Variants in SZT2 observed in about 807,000 individuals in gnomAD.
SZT2 encodes KICSTOR complex protein SZT2.
A neutral mutation model predicts 404.2 loss-of-function variants in SZT2; 216 were observed. The observed-to-expected ratio is 0.53, with a 90% CI of 0.48 to 0.60. The LOEUF is 0.60. Ranked by LOEUF, SZT2 falls within the 20% of genes least tolerant of loss-of-function variation. The probability of loss-of-function intolerance (pLI) is 0.00; values close to 1 mark genes in which losing one functional copy is unlikely to be tolerated. For missense variants in SZT2, 3,857 were observed against 4,459.2 expected, an observed-to-expected ratio of 0.86 and a Z score of 3.85; for synonymous variants, 1,693 against 1,749.9, an observed-to-expected ratio of 0.97 and a Z score of 0.81.
chr1:43,403,758 C>T lies in SZT2; in HGVS notation c.311C>T (p.Pro104Leu). Residue 104 changes from proline to leucine, a missense_variant, in exon 3 of 72, where the codon CCA (proline) becomes CTA (leucine). Coordinates refer to ENST00000634258, the MANE Select transcript of SZT2 (RefSeq NM_001365999.1). ...TTTGTCATTGAGTTGGACCTTAGCCCATCTACTGGCATTGTGGTAAAGGAT... is the reference window on the plus strand; with the variant it reads ...TTTGTCATTGAGTTGGACCTTAGCCTATCTACTGGCATTGTGGTAAAGGAT... ...YRFVIELDLS[P>L]STGIVDDSTG... 6.2e-7 allele frequency: 1 copy of T among 1,614,018 alleles called. No individual in the cohort carries two copies. The highest frequency in any genetic ancestry group is 1.7e-5 in the Admixed American group (1 of 60,002).
chr1:43,452,837 C>T lies in SZT2; in HGVS notation c.*2357C>T. 6.6e-7 allele frequency: 1 copy of T among 1,518,630 alleles called. No individual in the cohort carries two copies. Among genetic ancestry groups the T allele is most frequent in the Admixed American group, 2.0e-5 (1 of 51,128 alleles). The allele number at this position is 1,518,630 out of a possible 1,614,324, so 94.1% of individuals were successfully genotyped here. A position where few individuals can be genotyped will look rare whatever the true frequency, so the allele number is the denominator to read the frequency against. On this transcript the variant is annotated 3_prime_UTR_variant, in exon 72 of 72. Coordinates refer to ENST00000634258, the MANE Select transcript of SZT2 (RefSeq NM_001365999.1). ...GCCGTCCACCTCCTCCCATCATCCC[C>T]TGATCTTAGCCACATCCAGCTCCAA...
In SZT2 at chr1:43,403,666, A is replaced by G. The variant is rs1370438690; in HGVS notation, c.219A>G (p.Pro73=). Residue 73 remains proline, a synonymous_variant, in exon 3 of 72, where the codon CCA becomes CCG. Coordinates refer to ENST00000634258, the MANE Select transcript of SZT2 (RefSeq NM_001365999.1). ...CCCCTGGGTGGCAGCCAGATGAACC[A>G]GTGGTCCCAAGGCCATTCCTCCTGG... is the stretch of plus-strand genomic sequence containing the variant. The part of the protein sequence containing the change: ...VLPPGWQPDE[P]VVPRPFLLVP... 3 of 1,614,154 alleles carry G rather than the reference A, an allele frequency of 1.9e-6. No individual in the cohort carries two copies. Among genetic ancestry groups the G allele is most frequent in the Admixed American group, 1.7e-5 (1 of 60,014 alleles).
chr1:43,398,553 C>T (rs1248388315), intron 1 of SZT2, among the ~76,000 whole-genome samples: 1 of 152,172 alleles, frequency 6.6e-6, no homozygotes, highest in Non-Finnish European at 1.5e-5. Context: ...ATATCCCACC[C>T]ACACTAGCTA....
intron 4 of SZT2, among the ~76,000 whole-genome samples, chr1:43,414,134 T>C (rs970241828): frequency 1.3e-5 from 2 of 151,902 alleles, no homozygotes; most frequent in African/African-American, 4.8e-5. Context: ...ATACAAAAAT[T>C]ACCTGGGTGT....
At chr1:43,403,987 AT>A in intron 3 of SZT2, 1 of 587,512 alleles carries the variant, frequency 1.7e-6, no homozygotes, top group Non-Finnish European at 3.0e-6. Flanking sequence ...AGGCGGGCTG[AT>A]TACTCGAGCT....
At chr1:43,421,565 C>G (rs145458719) in intron 11 of SZT2, among the ~76,000 whole-genome samples, 1 of 152,340 alleles carries the variant, frequency 6.6e-6, no homozygotes, top group East Asian at 1.9e-4. Context: ...GTATCCCAGT[C>G]CCAGCAGACC....
rs1176115066 is a variant in SZT2, at chr1:43,453,880, C to T, written c.*3400C>T. ...GGGCGGCGGGCGGGGGCGGGGCTCT[C>T]CTTGCTGGCCCTGCGAACGAACGAG... On this transcript the variant is annotated 3_prime_UTR_variant, in exon 72 of 72. Coordinates refer to ENST00000634258, the MANE Select transcript of SZT2 (RefSeq NM_001365999.1). 22 of 1,219,356 alleles carry T rather than the reference C, an allele frequency of 1.8e-5. No individual in the cohort carries two copies. The highest frequency in any genetic ancestry group is 1.8e-5 in the Non-Finnish European group (18 of 982,036). 75.5% of individuals were successfully genotyped at this position (1,219,356 alleles called of 1,614,324 possible). A position where few individuals can be genotyped will look rare whatever the true frequency, so the allele number is the denominator to read the frequency against.
chr1:43,423,547 G>T (rs12732990), intron 15 of SZT2, among the ~76,000 whole-genome samples: 1 of 106,634 alleles, frequency 9.4e-6, no homozygotes, highest in African/African-American at 3.1e-5. Flanking sequence ...GTGGCTTAGT[G>T]GGGTATGAGT....
At chr1:43,409,753 A>G (rs1181370893) in intron 4 of SZT2, 1 of 173,126 alleles carries the variant, frequency 5.8e-6, no homozygotes, top group African/African-American at 2.4e-5. Context: ...GATGAGAGAA[A>G]TTGAAGTGGA....
At chr1:43,391,835 ACTTTGGG>A (rs1648374760) in intron 1 of SZT2, among the ~76,000 whole-genome samples, 5 of 18,568 alleles carry the variant, frequency 2.7e-4, no homozygotes, top group African/African-American at 1.2e-3. Flanking sequence ...TAATCCCAGC[ACTTTGGG>A]AGGCCGAGGC....
chr1:43,442,735 A>G lies in SZT2; in HGVS notation c.8152-84A>G. The G allele has an allele frequency of 6.5e-7, 1 of 1,533,546 alleles. No individual in the cohort carries two copies. The highest frequency in any genetic ancestry group is 8.8e-7 in the Non-Finnish European group (1 of 1,142,518). 95.0% of individuals were successfully genotyped at this position (1,533,546 alleles called of 1,614,324 possible). ...CTGAGGGCAGAGGTAGTGGGGAGGGAGAGTCTGAGAGAGGAAGCCCTGGGA... is the reference window on the plus strand; with the variant it reads ...CTGAGGGCAGAGGTAGTGGGGAGGGGGAGTCTGAGAGAGGAAGCCCTGGGA... On this transcript the variant is annotated intron_variant, in intron 58 of 71. Transcript: ENST00000634258. The surrounding 1 kb of genome is among the most constrained non-coding windows in gnomAD (Gnocchi z 4.5).
At chr1:43,390,099 G>A in intron 1 of SZT2, 104 bp downstream of exon 1, 1 of 1,284,438 alleles carries the variant, frequency 7.8e-7, no homozygotes, top group Non-Finnish European at 1.0e-6. Context: ...TGGCCGGGCT[G>A]CGTAGCCTCG....
chr1:43,452,670 A>T lies in SZT2; in HGVS notation c.*2190A>T. On this transcript the variant is annotated 3_prime_UTR_variant, in exon 72 of 72. Transcript: ENST00000634258. ...TCAGGTATTCCATGCTGCTGTCTCT[A>T]CTTCCTCTCCTCGCATCTACTTAGC... 1.7e-6 allele frequency: 1 copy of T among 600,812 alleles called. No homozygotes were observed. Among genetic ancestry groups the T allele is most frequent in the Non-Finnish European group, 3.0e-6 (1 of 337,644 alleles). The allele number at this position is 600,812 out of a possible 1,614,324, so 37.2% of individuals were successfully genotyped here.
intron 4 of SZT2, among the ~76,000 whole-genome samples, chr1:43,408,111 C>T (rs1650557817): frequency 1.3e-5 from 2 of 152,058 alleles, no homozygotes; most frequent in South Asian, 4.1e-4. Flanking sequence ...GGATTACAGG[C>T]GTGAGCCACC....
At position 43,439,500 on chromosome 1, in the gene SZT2, C is replaced by A; in HGVS notation, c.6877+58C>A. The A allele has an allele frequency of 6.3e-7, 1 of 1,597,402 alleles. No homozygotes were observed. Among genetic ancestry groups the A allele is most frequent in the East Asian group, 2.2e-5 (1 of 44,696 alleles). The stretch of plus-strand genomic sequence containing the variant: ...CAGGTGAGGGAAAGCCTTTTGTCAT[C>A]CTATTGCTAAGAGGACATTTCCCAG... On this transcript the variant is annotated intron_variant, in intron 49 of 71. Coordinates refer to ENST00000634258, the MANE Select transcript of SZT2 (RefSeq NM_001365999.1). The surrounding 1 kb of genome is among the most constrained non-coding windows in gnomAD (Gnocchi z 4.2).
At position 43,447,627 on chromosome 1, in the gene SZT2, G is replaced by A; in HGVS notation, c.9369G>A (p.Met3123Ile). Reference sequence around the variant, plus strand: ...CTGATCACGCCAGCTCTTACCACATGAAGCCATTGCGAATGGCCCGGCCAG... The same window carrying A: ...CTGATCACGCCAGCTCTTACCACATAAAGCCATTGCGAATGGCCCGGCCAG... ...YVADHASSYH[M>I]KPLRMARPGG... is the part of the protein sequence containing the mutation. Residue 3123 changes from methionine (M) to isoleucine (I), a missense_variant, in exon 67 of 72, where the codon ATG (methionine) becomes ATA (isoleucine). Physicochemically the swap from Met to Ile is conservative, Grantham distance 10 (BLOSUM62 1). This residue lies in a region of SZT2 where 717 missense variants were observed against 868.2 expected (regional missense o/e 0.83). Coordinates refer to ENST00000634258, the MANE Select transcript of SZT2 (RefSeq NM_001365999.1). 6.2e-7 allele frequency: 1 copy of A among 1,614,186 alleles called. No individual in the cohort carries two copies. The highest frequency in any genetic ancestry group is 8.5e-7 in the Non-Finnish European group (1 of 1,180,036).
At chr1:43,419,678 C>T (rs764033708) in intron 7 of SZT2, 56 bp from the exon 8 acceptor site, 20 of 1,440,850 alleles carry the variant, frequency 1.4e-5, no homozygotes, top group Non-Finnish European at 1.9e-5. Context: ...CTCTCCTGTT[C>T]TTCCTTCTCC....
chr1:43,414,219 G>A (rs1002137110), intron 4 of SZT2, among the ~76,000 whole-genome samples: 4 of 152,072 alleles, frequency 2.6e-5, no homozygotes, highest in African/African-American at 9.7e-5. Flanking sequence ...GGCGGAGGTT[G>A]CAGTGAGCCA....
rs552432817 is a variant in SZT2, at chr1:43,453,570, C to A, written c.*3090C>A. Reference sequence around the variant, plus strand: ...CGCGCCCCGGCACCCCCCAGCCCTCCCAGCCCTCCCGGCCCGCGACGCACC... The same window carrying A: ...CGCGCCCCGGCACCCCCCAGCCCTCACAGCCCTCCCGGCCCGCGACGCACC... On this transcript the variant is annotated 3_prime_UTR_variant, in exon 72 of 72. Transcript: ENST00000634258. 1.8e-3 allele frequency: 2,718 copies of A among 1,520,486 alleles called. 4 individuals carry two copies. Among genetic ancestry groups the A allele is most frequent in the Non-Finnish European group, 2.2e-3 (2,492 of 1,131,790 alleles). 94.2% of individuals were successfully genotyped at this position (1,520,486 alleles called of 1,614,324 possible). A position where few individuals can be genotyped will look rare whatever the true frequency, so the allele number is the denominator to read the frequency against.
Sources: allele counts gnomAD v4.1 joint callset (sites outside exome capture counted in the v4.1 genomes callset), GRCh38; gene constraint gnomAD v4.1.1; regional missense constraint gnomAD v4.1.1; non-coding constraint Gnocchi (gnomAD v3.1); transcripts MANE v1.5; gene names NCBI Gene and HGNC (gene_info 2026-07-23, HGNC 2026-07-21).